TSPAN18: variants seen among roughly 807,000 people sequenced by gnomAD.
TSPAN18 encodes the protein tetraspanin-18.
In TSPAN18, 14 loss-of-function variants were observed where a neutral mutation model predicts 27.3. The observed-to-expected ratio is 0.51, with a 90% CI of 0.34 to 0.80. TSPAN18 has a LOEUF of 0.80. TSPAN18 is among the 30% of genes least tolerant of loss of function. The pLI is 0.01. For missense variants in TSPAN18, 268 were observed against 323.9 expected, an observed-to-expected ratio of 0.83 and a Z score of 1.32; for synonymous variants, 143 against 136.5, an observed-to-expected ratio of 1.05 and a Z score of -0.33.
chr11:44,857,818 G>A lies in TSPAN18; in HGVS notation c.-152-2510G>A, dbSNP rs139951555. On this transcript the variant is annotated intron_variant, in intron 2 of 9. Transcript: ENST00000520358. ...GATGACACACACGTGCATTTACAAC[G>A]ACACATATTCACACACTGAATCCCT... is the stretch of plus-strand genomic sequence containing the variant. 7.9e-5 allele frequency among the ~76,000 whole-genome samples: 12 copies of A among 152,242 alleles called. No homozygotes were observed. In the East Asian group the frequency reaches 9.7e-4, roughly 12 times the overall value.
intron 8 of TSPAN18, 40 bp downstream of exon 8, chr11:44,920,039 G>A (rs759857016): frequency 4.8e-5 from 76 of 1,583,550 alleles, no homozygotes; most frequent in South Asian, 4.0e-4. Context: ...TGGGTCTATC[G>A]GGATTTGGGT....
chr11:44,743,059 G>C (rs1854983723), intron 1 of TSPAN18, among the ~76,000 whole-genome samples: 3 of 152,164 alleles, frequency 2.0e-5, no homozygotes, highest in Admixed American at 1.3e-4. Context: ...GTCCTCCCCT[G>C]GGGACCGGCA....
At chr11:44,793,356 TCC>T (rs1856274312) in intron 2 of TSPAN18, among the ~76,000 whole-genome samples, 1 of 152,128 alleles carries the variant, frequency 6.6e-6, no homozygotes, top group South Asian at 2.1e-4. Flanking sequence ...TGAAGAAGAA[TCC>T]TAGGTGCAGG....
At chr11:44,755,446 C>T (rs937729846) in intron 1 of TSPAN18, among the ~76,000 whole-genome samples, 2 of 151,982 alleles carry the variant, frequency 1.3e-5, no homozygotes, top group African/African-American at 4.8e-5. Context: ...TTCCCTCCCC[C>T]AGCCAGACAA....
At chr11:44,755,544 GGACGCAGCCCCAA>G (rs1451213301) in intron 1 of TSPAN18, among the ~76,000 whole-genome samples, 2 of 152,020 alleles carry the variant, frequency 1.3e-5, no homozygotes, top group African/African-American at 4.8e-5. Context: ...GCTGAGCTGG[GGACGCAGCCCCAA>G]GACATCCTGA....
intron 5 of TSPAN18, 110 bp downstream of exon 5, chr11:44,910,009 C>G: frequency 7.6e-7 from 1 of 1,310,834 alleles, no homozygotes; most frequent in Non-Finnish European, 1.0e-6. Flanking sequence ...GCTTCCCAAA[C>G]TGGGGCGGGC....
chr11:44,799,873 C>T (rs936477730), intron 2 of TSPAN18, among the ~76,000 whole-genome samples: 14 of 152,168 alleles, frequency 9.2e-5, no homozygotes, highest in Non-Finnish European at 2.9e-5. Context: ...TTCTGTCACC[C>T]AGTCTGGAGT....
chr11:44,787,084 C>T (rs757711924), intron 2 of TSPAN18, among the ~76,000 whole-genome samples: 37 of 152,254 alleles, frequency 2.4e-4, no homozygotes, highest in Non-Finnish European at 4.3e-4. Context: ...AAGATTTGGA[C>T]GGAGACACAA....
intron 1 of TSPAN18, among the ~76,000 whole-genome samples, chr11:44,739,986 C>T (rs1029767692): frequency 2.6e-5 from 4 of 152,194 alleles, no homozygotes; most frequent in African/African-American, 9.7e-5. Context: ...CAGTCATTCC[C>T]GACTAGTGGA....
At chr11:44,752,721 A>G (rs1049720599) in intron 1 of TSPAN18, among the ~76,000 whole-genome samples, 4 of 152,244 alleles carry the variant, frequency 2.6e-5, no homozygotes, top group African/African-American at 9.6e-5. Flanking sequence ...GGAGGCCAGC[A>G]AGATGGAAAA....
chr11:44,923,310 G>A (rs987762200), intron 8 of TSPAN18, among the ~76,000 whole-genome samples: 1 of 152,110 alleles, frequency 6.6e-6, no homozygotes, highest in African/African-American at 2.4e-5. Flanking sequence ...GTGGCAGCAG[G>A]GGGTGGGGGA....
intron 5 of TSPAN18, among the ~76,000 whole-genome samples, chr11:44,910,791 C>T (rs998443088): frequency 6.6e-6 from 1 of 152,188 alleles, no homozygotes; most frequent in Non-Finnish European, 1.5e-5. Flanking sequence ...CCCTCACAGA[C>T]AGGCACAGGG....
chr11:44,795,305 C>G (rs1856323459), intron 2 of TSPAN18, among the ~76,000 whole-genome samples: 1 of 152,198 alleles, frequency 6.6e-6, no homozygotes, highest in Non-Finnish European at 1.5e-5. Flanking sequence ...GCCTCATCCC[C>G]TGGTCCTGAT....
At chr11:44,730,629 T>TC in intron 1 of TSPAN18, among the ~76,000 whole-genome samples, 1 of 151,618 alleles carries the variant, frequency 6.6e-6, no homozygotes, top group East Asian at 1.9e-4. Flanking sequence ...AAACACTTTT[T>TC]TTTTTTTTTT....
intron 2 of TSPAN18, among the ~76,000 whole-genome samples, chr11:44,837,832 G>A (rs928379459): frequency 6.6e-6 from 1 of 152,144 alleles, no homozygotes; most frequent in Non-Finnish European, 1.5e-5. Flanking sequence ...TTAAGTTAAG[G>A]TATTTACATT....
intron 3 of TSPAN18, among the ~76,000 whole-genome samples, chr11:44,875,644 C>T (rs76993832): frequency 7.9e-5 from 12 of 152,364 alleles, no homozygotes; most frequent in South Asian, 2.1e-4. Flanking sequence ...CCTTGGGAGT[C>T]GAGCTTATTG....
At chr11:44,757,981 G>C (rs1057410656) in intron 1 of TSPAN18, among the ~76,000 whole-genome samples, 12 of 152,066 alleles carry the variant, frequency 7.9e-5, no homozygotes, top group South Asian at 6.2e-4. Flanking sequence ...ATGAAGTCTG[G>C]TTTGTCTATT....
chr11:44,770,614 C>T (rs1336142245), intron 2 of TSPAN18, among the ~76,000 whole-genome samples: 3 of 152,042 alleles, frequency 2.0e-5, no homozygotes, highest in African/African-American at 7.2e-5. Context: ...TGGCAGGAAG[C>T]CAGTAAGCAA....
At chr11:44,790,486 AGT>A (rs1856185360) in intron 2 of TSPAN18, among the ~76,000 whole-genome samples, 2 of 125,088 alleles carry the variant, frequency 1.6e-5, no homozygotes, top group South Asian at 2.6e-4. Context: ...TGTGTGCATG[AGT>A]GTGTATGCAT....
Sources: gnomAD v4.1 joint callset for allele counts (sites outside exome capture counted in the v4.1 genomes callset) on GRCh38, gnomAD v4.1.1 for gene constraint, MANE v1.5 for transcripts, NCBI Gene and HGNC (gene_info 2026-07-23, HGNC 2026-07-21) for gene names.